The following TUBB8B variants were observed in gnomAD, a reference collection of about 807,000 sequenced individuals.
TUBB8B encodes the protein HSA18p11 beta-tubulin 4Q pseudogene.
In TUBB8B, 26 loss-of-function variants were observed where a neutral mutation model predicts 31.9. The ratio of observed to expected loss-of-function variants is 0.81; its 90% CI spans 0.60 to 1.13. The LOEUF (loss-of-function observed/expected upper bound fraction) is 1.13. TUBB8B is among the 50% of genes most tolerant of loss of function. The pLI is 0.00. For synonymous variants in TUBB8B, 173 were observed against 231.0 expected (o/e 0.75, Z 2.28); for missense variants, 467 against 586.7 (o/e 0.80, Z 2.11).
upstream of TUBB8B, among the ~76,000 whole-genome samples, chr18:54,236 T>C (rs187676893): frequency 1.5e-3 from 219 of 147,806 alleles, 1 homozygote; most frequent in African/African-American, 5.3e-3. Flanking sequence ...TGGTTTTAAT[T>C]GTAATTTTTA....
chr18:55,115 G>A, the TUBB8B span, among the ~76,000 whole-genome samples: 1 of 149,220 alleles, frequency 6.7e-6, no homozygotes, highest in Non-Finnish European at 1.5e-5. Flanking sequence ...ATCTATTTAT[G>A]TATTGAGATG....
At position 49,130 on chromosome 18, in the gene TUBB8B, G is replaced by A. The variant is rs778607416; in HGVS notation, c.165C>T (p.Ser55=). The stretch of plus-strand genomic sequence containing the variant: ...GTGGGAGAAGGACGGGGGTCGCACC[G>A]CTGGCCTCGTGGTGGTGCACGTTGA... ...ERINVHHHEA[S]GGRYVPRAVL... is the part of the protein sequence containing the mutation. Residue 55 remains serine (S), a splice_region_variant and synonymous_variant, in exon 2 of 4, where the codon AGC becomes AGT. Coordinates refer to ENST00000308911, the MANE Select transcript of TUBB8B (RefSeq NM_001358689.2). 4.6e-6 allele frequency: 7 copies of A among 1,510,692 alleles called. No individual in the cohort carries two copies. The highest frequency in any genetic ancestry group is 2.7e-5 in the African/African-American group (2 of 72,926). 93.6% of individuals were successfully genotyped at this position (1,510,692 alleles called of 1,614,324 possible).
the TUBB8B span, among the ~76,000 whole-genome samples, chr18:63,517 G>A: frequency 6.6e-6 from 1 of 151,788 alleles, no homozygotes. Context: ...CATCACCACT[G>A]AGACTGCGCT....
chr18:54,353 TC>T (rs1235344862), upstream of TUBB8B, among the ~76,000 whole-genome samples: 3 of 151,744 alleles, frequency 2.0e-5, no homozygotes, highest in Non-Finnish European at 4.4e-5. Flanking sequence ...AGGGTATCCG[TC>T]CCCTCAAGCA....
In TUBB8B at chr18:48,086, C is replaced by G. The variant is rs752593689; in HGVS notation, c.639G>C (p.Arg213Ser). 2.5e-6 allele frequency: 4 copies of G among 1,613,936 alleles called. No homozygotes were observed. In the Admixed American group the frequency reaches 6.7e-5, roughly 27 times the overall value. ...DNEALYDICS[R>S]TLKLPTPTYG... ...AGGTGGGTGTGGGCAGTTTTAGGGT[C>G]CTGGAACATATGTCATATAGCGCTT... is the stretch of plus-strand genomic sequence containing the variant. The change falls in exon 4 of 4, where the codon AGG becomes AGC. Residue 213 changes from arginine (R) to serine (S), a missense_variant. Arg to Ser is a moderately radical substitution (Grantham distance 110). Around this residue, in one of 2 missense-constraint regions of TUBB8B, gnomAD observed 259 missense variants for 380.1 expected, o/e 0.68. Coordinates refer to ENST00000308911, the MANE Select transcript of TUBB8B (RefSeq NM_001358689.2).
the TUBB8B span, among the ~76,000 whole-genome samples, chr18:57,466 C>T: frequency 6.6e-6 from 1 of 151,616 alleles, no homozygotes; most frequent in Admixed American, 6.6e-5. Context: ...TTTGACTCTA[C>T]GTCCCATTTC....
chr18:57,545 C>A, the TUBB8B span, among the ~76,000 whole-genome samples: 3 of 151,832 alleles, frequency 2.0e-5, no homozygotes, highest in Admixed American at 6.6e-5. Flanking sequence ...CACAGCTGCT[C>A]TCATGGGCTG....
the TUBB8B span, among the ~76,000 whole-genome samples, chr18:57,911 T>C: frequency 6.6e-6 from 1 of 151,918 alleles, no homozygotes; most frequent in Non-Finnish European, 1.5e-5. Flanking sequence ...GGCTTATGGC[T>C]TGCACCCTCT....
rs1293762012 is a variant in TUBB8B, at chr18:47,741, T to C, written c.984A>G (p.Glu328=). 4.3e-6 allele frequency: 7 copies of C among 1,610,866 alleles called. No individual in the cohort carries two copies. The highest frequency in any genetic ancestry group is 5.9e-6 in the Non-Finnish European group (7 of 1,178,690). The change falls in exon 4 of 4, where the codon GAA becomes GAG. Residue 328 remains glutamate (E), a synonymous_variant. Coordinates refer to ENST00000308911, the MANE Select transcript of TUBB8B (RefSeq NM_001358689.2). ...RGRMPMREVD[E]QMFNIQDKNS... is the part of the protein sequence containing the mutation. ...TCTTATCTTGAATGTTGAACATTTG[T>C]TCATCCACCTCCCTCATGGGCATGC...
chr18:48,818 G>T, intron 3 of TUBB8B, 122 bp downstream of exon 3: 1 of 777,888 alleles, frequency 1.3e-6, no homozygotes. Flanking sequence ...GACTCGACTC[G>T]GCGGATAGGA....
chr18:56,227 T>G, the TUBB8B span, among the ~76,000 whole-genome samples: 1 of 151,858 alleles, frequency 6.6e-6, no homozygotes, highest in East Asian at 1.9e-4. Flanking sequence ...TTAATTACTA[T>G]AGCTTGATAG....
upstream of TUBB8B, among the ~76,000 whole-genome samples, chr18:51,186 G>T (rs200785679): frequency 7.3e-6 from 1 of 137,830 alleles, no homozygotes; most frequent in Non-Finnish European, 1.6e-5. Context: ...AAAACAACTT[G>T]CATCTGTTAA....
chr18:49,599 A>G lies in TUBB8B; in HGVS notation c.-42T>C, dbSNP rs1338822688. ...GGGCGGCAGCAGAAGCGCGAGAAGGAGGAGCAGACGCGCAGCGACCCAGCC... is the reference window on the plus strand; with the variant it reads ...GGGCGGCAGCAGAAGCGCGAGAAGGGGGAGCAGACGCGCAGCGACCCAGCC... On this transcript the variant is annotated 5_prime_UTR_variant, in exon 1 of 4. Transcript: ENST00000308911. 7.8e-6 allele frequency: 6 copies of G among 770,170 alleles called. No individual in the cohort carries two copies. The highest frequency in any genetic ancestry group is 1.3e-5 in the Non-Finnish European group (6 of 447,188). 47.7% of individuals were successfully genotyped at this position (770,170 alleles called of 1,614,324 possible). A position where few individuals can be genotyped will look rare whatever the true frequency, so the allele number is the denominator to read the frequency against.
the TUBB8B span, among the ~76,000 whole-genome samples, chr18:58,652 C>G: frequency 4.0e-5 from 6 of 151,872 alleles, no homozygotes; most frequent in African/African-American, 9.6e-5. Flanking sequence ...TTTCTGTCTT[C>G]TTCTGAATCC....
the TUBB8B span, among the ~76,000 whole-genome samples, chr18:60,624 CTT>C: frequency 6.6e-6 from 1 of 151,804 alleles, no homozygotes; most frequent in African/African-American, 2.4e-5. Flanking sequence ...AATAGTACCT[CTT>C]TTACCATATT....
the TUBB8B span, among the ~76,000 whole-genome samples, chr18:56,817 G>A: frequency 1.3e-5 from 2 of 151,866 alleles, no homozygotes; most frequent in South Asian, 4.2e-4. Context: ...AGGCTGTACA[G>A]AAAGCATAGC....
At chr18:53,659 G>A (rs1294651571), upstream of TUBB8B, among the ~76,000 whole-genome samples, 1 of 151,734 alleles carries the variant, frequency 6.6e-6, no homozygotes, top group Non-Finnish European at 1.5e-5. Context: ...AGTAGAAATG[G>A]GGTTTCATTC....
chr18:67,056 C>A, the TUBB8B span, among the ~76,000 whole-genome samples: 14 of 142,580 alleles, frequency 9.8e-5, no homozygotes, highest in South Asian at 8.7e-4. Context: ...AGTGCAGTGG[C>A]AAGATCTCGG....
chr18:57,227 CTCAAAAG>C, the TUBB8B span, among the ~76,000 whole-genome samples: 5 of 151,776 alleles, frequency 3.3e-5, 1 homozygote, highest in East Asian at 7.7e-4. Context: ...TCAGCCTTAA[CTCAAAAG>C]TCAAAAGTCT....
Sources: gnomAD v4.1 joint callset for allele counts (sites outside exome capture counted in the v4.1 genomes callset) on GRCh38, gnomAD v4.1.1 for gene constraint, gnomAD v4.1.1 regional missense constraint, MANE v1.5 for transcripts, NCBI Gene and HGNC (gene_info 2026-07-23, HGNC 2026-07-21) for gene names.